The following STK33 variants were observed in gnomAD, a reference collection of about 807,000 sequenced individuals.
The protein encoded by STK33 is serine/threonine-protein kinase 33.
STK33 carries 52 observed loss-of-function variants against 58.0 expected under a neutral mutation model. The ratio of observed to expected loss-of-function variants is 0.90; its 90% CI spans 0.72 to 1.13. The LOEUF (loss-of-function observed/expected upper bound fraction) is 1.13, where lower values mean the gene tolerates loss of function less well. STK33 is among the 50% of genes most tolerant of loss of function. The probability of loss-of-function intolerance (pLI) is 0.00; values close to 1 mark genes in which losing one functional copy is unlikely to be tolerated. For synonymous variants in STK33, 215 were observed against 200.1 expected (o/e 1.07, Z -0.63); for missense variants, 630 against 604.2 (o/e 1.04, Z -0.45).
At position 8,448,105 on chromosome 11, in the gene STK33, T is replaced by G. The variant is rs541751418; in HGVS notation, c.871+4717A>C. Reference sequence around the variant, plus strand: ...TGTGAAGGAACTCTTCAAGGAGAACTACAAACCACTGCTCAATGAAATAAA... The same window carrying G: ...TGTGAAGGAACTCTTCAAGGAGAACGACAAACCACTGCTCAATGAAATAAA... On this transcript the variant is annotated intron_variant, in intron 11 of 15. Coordinates refer to ENST00000687296, the MANE Select transcript of STK33 (RefSeq NM_001352389.2). 5.3e-5 allele frequency among the ~76,000 whole-genome samples: 8 copies of G among 152,266 alleles called. No homozygotes were observed. In the South Asian group the frequency reaches 1.2e-3, roughly 24 times the overall value.
Position 8,443,463 on chromosome 11 carries a change from A to G in STK33, c.872-2710T>C, listed in dbSNP as rs529920343. 6.6e-5 allele frequency among the ~76,000 whole-genome samples: 10 copies of G among 152,356 alleles called. No homozygotes were observed. In the South Asian group the frequency reaches 1.9e-3, roughly 28 times the overall value. ...CAAAAGGCTAGGACAACTAACATGC[A>G]TTCCATGCATTTCAAACACATCTCA... On this transcript the variant is annotated intron_variant, in intron 11 of 15. Coordinates refer to ENST00000687296, the MANE Select transcript of STK33 (RefSeq NM_001352389.2).
chr11:8,357,865 C>T, the STK33 span, among the ~76,000 whole-genome samples: 2 of 152,222 alleles, frequency 1.3e-5, no homozygotes, highest in African/African-American at 4.8e-5. Context: ...CAGTGTGTCA[C>T]CAGAGCCCCA....
In STK33 at chr11:8,541,794, A is replaced by G. The variant is rs72853464; in HGVS notation, c.-466+52289T>C. Among the ~76,000 whole-genome samples, 710 of 152,290 alleles carry G rather than the reference A, an allele frequency of 4.7e-3. 1 individual carries two copies. Among genetic ancestry groups the G allele is most frequent in the Non-Finnish European group, 7.4e-3 (506 of 67,998 alleles). The stretch of plus-strand genomic sequence containing the variant: ...GCAAAATATCTGAAAAATTAAGGTC[A>G]CAGTGTTAGAGAGTCTAATGGAGTA... On this transcript the variant is annotated intron_variant, in intron 1 of 15. Coordinates refer to ENST00000687296, the MANE Select transcript of STK33 (RefSeq NM_001352389.2).
At chr11:8,455,810 C>CAAAAAAAAAA (rs1156835375) in intron 9 of STK33, among the ~76,000 whole-genome samples, 5 of 47,134 alleles carry the variant, frequency 1.1e-4, no homozygotes, top group Non-Finnish European at 1.6e-4. Flanking sequence ...GACTCTGTCT[C>CAAAAAAAAAA]AAAAAAAAAA....
intron 1 of STK33, among the ~76,000 whole-genome samples, chr11:8,555,590 G>C (rs1158554428): frequency 6.6e-6 from 1 of 152,076 alleles, no homozygotes; most frequent in African/African-American, 2.4e-5. Flanking sequence ...ACTTGAATCT[G>C]GGAGGCAGAG....
chr11:8,354,501 CACACACACACACACA>C, the STK33 span, among the ~76,000 whole-genome samples: 1 of 150,944 alleles, frequency 6.6e-6, no homozygotes, highest in African/African-American at 2.5e-5. Flanking sequence ...CACACACACA[CACACACACACACACA>C]CCCCTCAGAC....
At chr11:8,465,459 C>CT (rs1283036705) in intron 6 of STK33, 2 of 152,208 alleles carry the variant, frequency 1.3e-5, no homozygotes, top group African/African-American at 4.8e-5. Context: ...TTAACTTCTG[C>CT]TTATAAAGAA....
At chr11:8,516,589 A>G (rs1952805303) in intron 1 of STK33, among the ~76,000 whole-genome samples, 1 of 152,224 alleles carries the variant, frequency 6.6e-6, no homozygotes. Context: ...TGGCAAAGGG[A>G]AGCCGTGATA....
intron 11 of STK33, among the ~76,000 whole-genome samples, chr11:8,446,510 G>A (rs539987963): frequency 1.3e-5 from 2 of 151,966 alleles, no homozygotes; most frequent in East Asian, 3.9e-4. Flanking sequence ...CTATAGCCAA[G>A]ACAATCCTAA....
chr11:8,419,776 G>A (rs1162464999), intron 14 of STK33, among the ~76,000 whole-genome samples: 1 of 151,868 alleles, frequency 6.6e-6, no homozygotes, highest in Non-Finnish European at 1.5e-5. Context: ...GAAAATAGTT[G>A]CATAATATGA....
At chr11:8,560,912 T>A (rs1233454793) in intron 1 of STK33, among the ~76,000 whole-genome samples, 1 of 152,158 alleles carries the variant, frequency 6.6e-6, no homozygotes, top group East Asian at 1.9e-4. Context: ...ACTAGCAGAT[T>A]CATCAACTAC....
intron 6 of STK33, chr11:8,465,163 A>G (rs1948026733): frequency 5.8e-6 from 1 of 173,270 alleles, no homozygotes; most frequent in South Asian, 1.5e-4. Context: ...TTATATATAT[A>G]CACACACATA....
chr11:8,576,202 G>T (rs1338013173), intron 1 of STK33, among the ~76,000 whole-genome samples: 2 of 152,144 alleles, frequency 1.3e-5, no homozygotes, highest in African/African-American at 2.4e-5. Context: ...TAATCCTCAT[G>T]ACTCTCTCAC....
intron 6 of STK33, among the ~76,000 whole-genome samples, chr11:8,468,862 A>C (rs1357001140): frequency 6.6e-6 from 1 of 152,238 alleles, no homozygotes; most frequent in East Asian, 1.9e-4. Flanking sequence ...CAAAAATTGC[A>C]ATAAAGCATA....
the STK33 span, among the ~76,000 whole-genome samples, chr11:8,375,428 A>G: frequency 6.6e-6 from 1 of 152,216 alleles, no homozygotes; most frequent in Admixed American, 6.5e-5. Context: ...TATTGGTGAT[A>G]TACTCCTGGA....
At chr11:8,388,431 GA>G (rs1381264100), downstream of STK33, among the ~76,000 whole-genome samples, 1 of 152,258 alleles carries the variant, frequency 6.6e-6, no homozygotes, top group African/African-American at 2.4e-5. Flanking sequence ...TCACCAATGA[GA>G]ATTAAGTGAT....
chr11:8,428,219 C>A (rs1943005579), intron 14 of STK33, among the ~76,000 whole-genome samples: 1 of 152,202 alleles, frequency 6.6e-6, no homozygotes, highest in Non-Finnish European at 1.5e-5. Context: ...CGAGTTAATT[C>A]CCACACATTT....
chr11:8,354,474 TCACA>T, the STK33 span, among the ~76,000 whole-genome samples: 33,270 of 124,512 alleles, frequency 0.27, 4,313 homozygotes, highest in East Asian at 0.4. Flanking sequence ...CTGCAAAACC[TCACA>T]CACACACACA....
At chr11:8,589,476 C>T (rs1260667150) in intron 1 of STK33, among the ~76,000 whole-genome samples, 1 of 152,110 alleles carries the variant, frequency 6.6e-6, no homozygotes, top group African/African-American at 2.4e-5. Flanking sequence ...CAGATAAAGA[C>T]TGATGTTTGC....
Sources: gnomAD v4.1 joint callset for allele counts (sites outside exome capture counted in the v4.1 genomes callset) on GRCh38, gnomAD v4.1.1 for gene constraint, MANE v1.5 for transcripts, NCBI Gene and HGNC (gene_info 2026-07-23, HGNC 2026-07-21) for gene names.